The following CTNNA2 variants were observed in gnomAD, a reference collection of about 807,000 sequenced individuals.
CTNNA2 encodes the protein catenin alpha 2, also known as catenin alpha-2.
CTNNA2 carries 42 observed loss-of-function variants against 101.0 expected under a neutral mutation model. That is an observed-to-expected ratio of 0.42 (90% confidence interval 0.32 to 0.54). The LOEUF (loss-of-function observed/expected upper bound fraction) is 0.54. CTNNA2 is among the 20% of genes least tolerant of loss of function. The pLI is 0.14. For synonymous variants in CTNNA2, 450 were observed against 456.4 expected (o/e 0.99, Z 0.18); for missense variants, 871 against 1,223.1 (o/e 0.71, Z 4.29).
Position 80,565,607 on chromosome 2 carries a change from T to C in CTNNA2, c.1742-8556T>C, listed in dbSNP as rs909556542. Reference sequence around the variant, plus strand: ...AGGTGATTTTGCCTGGTAGAAACAGTGTGTGCATGGGTAAATGCAGAAAGT... The same window carrying C: ...AGGTGATTTTGCCTGGTAGAAACAGCGTGTGCATGGGTAAATGCAGAAAGT... On this transcript the variant is annotated intron_variant, in intron 12 of 18. Transcript: ENST00000402739. 4.8e-5 allele frequency among the ~76,000 whole-genome samples: 5 copies of C among 104,536 alleles called. No homozygotes were observed. The Admixed American group carries it at 5.2e-4, about 11-fold the overall frequency. The allele number at this position is 104,536 out of a possible 152,430, so 68.6% of individuals were successfully genotyped here.
intron 3 of CTNNA2, among the ~76,000 whole-genome samples, chr2:79,823,516 T>C (rs1678184170): frequency 6.6e-6 from 1 of 151,562 alleles, no homozygotes. Flanking sequence ...AGACCCCATC[T>C]CAAAAAAAAG....
intron 7 of CTNNA2, among the ~76,000 whole-genome samples, chr2:80,080,919 C>G (rs569049913): frequency 1.4e-5 from 2 of 139,492 alleles, no homozygotes; most frequent in South Asian, 4.5e-4. Context: ...CAGAAAGAAA[C>G]CACTCACAGG....
At chr2:79,965,224 T>C (rs1689953526) in intron 7 of CTNNA2, among the ~76,000 whole-genome samples, 1 of 152,168 alleles carries the variant, frequency 6.6e-6, no homozygotes, top group South Asian at 2.1e-4. Flanking sequence ...CTGAATGACA[T>C]TGGATGTGAA....
chr2:80,339,301 T>A (rs1672023857), intron 7 of CTNNA2, among the ~76,000 whole-genome samples: 1 of 152,146 alleles, frequency 6.6e-6, no homozygotes, highest in Non-Finnish European at 1.5e-5. Flanking sequence ...TGATTTATAG[T>A]TTGAGTTGCA....
At chr2:80,418,807 A>G (rs930651471) in intron 8 of CTNNA2, among the ~76,000 whole-genome samples, 1 of 152,218 alleles carries the variant, frequency 6.6e-6, no homozygotes, top group African/African-American at 2.4e-5. Flanking sequence ...TTCTATTTTA[A>G]CAATGTGGGA....
At chr2:79,396,411 G>A (rs751614710) in intron 4 of CTNNA2, among the ~76,000 whole-genome samples, 19 of 151,954 alleles carry the variant, frequency 1.3e-4, no homozygotes, top group Admixed American at 3.9e-4. Context: ...TGCCCGCCTC[G>A]GCCTCCCAAA....
chr2:80,366,695 T>G (rs1218197473), intron 7 of CTNNA2, among the ~76,000 whole-genome samples: 4 of 152,148 alleles, frequency 2.6e-5, no homozygotes, highest in Non-Finnish European at 4.4e-5. Flanking sequence ...CTGCTGTTGT[T>G]GCAGTGTGTC....
At chr2:80,476,115 A>T (rs4852566) in intron 9 of CTNNA2, among the ~76,000 whole-genome samples, 55,986 of 151,844 alleles carry the variant, frequency 0.37, 11,460 homozygotes, top group East Asian at 0.75. Context: ...GCTAAATGTC[A>T]TTCTTGAGAA....
intron 9 of CTNNA2, among the ~76,000 whole-genome samples, chr2:80,466,752 T>G (rs1684886398): frequency 6.6e-6 from 1 of 152,206 alleles, no homozygotes; most frequent in Non-Finnish European, 1.5e-5. Context: ...CATGCTATCT[T>G]GCTTAGGCCC....
chr2:79,617,725 A>G (rs1240313083), intron 1 of CTNNA2, among the ~76,000 whole-genome samples: 1 of 152,148 alleles, frequency 6.6e-6, no homozygotes, highest in Admixed American at 6.5e-5. Context: ...TGGTAAAATC[A>G]TGAGGCTTTT....
At chr2:79,995,135 G>T (rs1266776955) in intron 7 of CTNNA2, among the ~76,000 whole-genome samples, 2 of 152,170 alleles carry the variant, frequency 1.3e-5, no homozygotes, top group South Asian at 2.1e-4. Context: ...GGCTGAGTCA[G>T]TTCTCCTTGG....
chr2:79,531,251 A>G (rs1672727830), intron 1 of CTNNA2, among the ~76,000 whole-genome samples: 2 of 145,902 alleles, frequency 1.4e-5, no homozygotes, highest in African/African-American at 5.0e-5. Context: ...GAGGGTAAGA[A>G]TAAATGACTT....
At chr2:80,581,989 T>A (rs1695582591) in intron 14 of CTNNA2, among the ~76,000 whole-genome samples, 170 bp downstream of exon 14, 1 of 152,142 alleles carries the variant, frequency 6.6e-6, no homozygotes, top group Non-Finnish European at 1.5e-5. Flanking sequence ...ACAGTGAAAA[T>A]AACCACCACT....
At chr2:79,709,915 G>A (rs956517443) in intron 2 of CTNNA2, among the ~76,000 whole-genome samples, 2 of 152,138 alleles carry the variant, frequency 1.3e-5, no homozygotes, top group African/African-American at 2.4e-5. Context: ...CACTGGTCAG[G>A]AGTGGGCATT....
intron 9 of CTNNA2, among the ~76,000 whole-genome samples, chr2:80,530,866 G>T (rs925213948): frequency 1.1e-4 from 17 of 152,158 alleles, no homozygotes; most frequent in African/African-American, 4.1e-4. Flanking sequence ...GCTGTGCTTT[G>T]CACCCAAAGA....
At chr2:79,628,298 G>A (rs1222272448) in intron 1 of CTNNA2, among the ~76,000 whole-genome samples, 15 of 151,906 alleles carry the variant, frequency 9.9e-5, no homozygotes, top group Middle Eastern at 3.4e-3. Flanking sequence ...CTAAAAATAC[G>A]AAAAATTAGC....
At chr2:80,397,726 A>G (rs1209680594) in intron 8 of CTNNA2, among the ~76,000 whole-genome samples, 1 of 152,092 alleles carries the variant, frequency 6.6e-6, no homozygotes, top group African/African-American at 2.4e-5. Flanking sequence ...GTATGTTTTT[A>G]TTAGAAGCGT....
At chr2:80,204,250 A>G (rs1331219170) in intron 7 of CTNNA2, among the ~76,000 whole-genome samples, 1 of 152,214 alleles carries the variant, frequency 6.6e-6, no homozygotes, top group Non-Finnish European at 1.5e-5. Flanking sequence ...TTCTGAAGCC[A>G]GCTTGAATTT....
chr2:79,825,539 A>C (rs1678370325), intron 3 of CTNNA2, among the ~76,000 whole-genome samples: 1 of 152,138 alleles, frequency 6.6e-6, no homozygotes, highest in Admixed American at 6.6e-5. Context: ...CATTACTAAA[A>C]GGGGGAAGAC....
Sources: gnomAD v4.1 joint callset for allele counts (sites outside exome capture counted in the v4.1 genomes callset) on GRCh38, gnomAD v4.1.1 for gene constraint, MANE v1.5 for transcripts, NCBI Gene and HGNC (gene_info 2026-07-23, HGNC 2026-07-21) for gene names.